Variants in EZH2 observed in about 807,000 individuals in gnomAD.
The protein encoded by EZH2 is enhancer of zeste 2 polycomb repressive complex 2 subunit.
EZH2 carries 18 observed loss-of-function variants against 98.4 expected under a neutral mutation model. That is an observed-to-expected ratio of 0.18 (90% CI 0.13 to 0.27). EZH2 has a LOEUF of 0.27. EZH2 is among the 10% of genes least tolerant of loss of function. EZH2 has a pLI of 1.00. For missense variants in EZH2, 470 were observed against 935.1 expected (o/e 0.50, Z 6.49); for synonymous variants, 338 against 312.3 (o/e 1.08, Z -0.87).
chr7:148,810,997 A>G (rs1322035419), intron 16 of EZH2, among the ~76,000 whole-genome samples: 1 of 152,122 alleles, frequency 6.6e-6, no homozygotes, highest in African/African-American at 2.4e-5. Context: ...TAAAAGGTGA[A>G]TAACTAATGA....
At chr7:148,808,174 G>A (rs1450450333) in intron 19 of EZH2, among the ~76,000 whole-genome samples, 2 of 152,236 alleles carry the variant, frequency 1.3e-5, no homozygotes, top group Admixed American at 6.5e-5. Context: ...CACCCAGAGA[G>A]GAGCACAAGA....
At chr7:148,807,826 A>AC in intron 19 of EZH2, 120 bp from the exon 20 acceptor site, 2 of 670,502 alleles carry the variant, frequency 3.0e-6, no homozygotes, top group East Asian at 2.8e-5. Context: ...AAAAAAAAAA[A>AC]AAAAAAAAAA....
intron 15 of EZH2, 24 bp downstream of exon 15, chr7:148,813,935 T>C: frequency 6.2e-7 from 1 of 1,603,262 alleles, no homozygotes. Flanking sequence ...ACAAACAATC[T>C]TCCAGAAGTG....
At chr7:148,860,926 G>T (rs902636447) in intron 1 of EZH2, among the ~76,000 whole-genome samples, 1 of 151,996 alleles carries the variant, frequency 6.6e-6, no homozygotes, top group African/African-American at 2.4e-5. Context: ...CCTCACCTTG[G>T]CCTCCCAAAG....
intron 8 of EZH2, among the ~76,000 whole-genome samples, chr7:148,824,939 G>A (rs772995717): frequency 3.3e-5 from 5 of 151,818 alleles, no homozygotes; most frequent in Non-Finnish European, 7.4e-5. Context: ...GCTAGAATGA[G>A]GTAAGTAACA....
chr7:148,819,453 A>C, intron 9 of EZH2, 143 bp downstream of exon 9: 1 of 645,850 alleles, frequency 1.5e-6, no homozygotes, highest in South Asian at 2.0e-5. Context: ...CTATGGAAGA[A>C]ACAGCATGGG....
At position 148,819,291 on chromosome 7, in the gene EZH2, C is replaced by A. The variant is rs968854294; in HGVS notation, c.999+305G>T. On this transcript the variant is annotated intron_variant, in intron 9 of 19. Coordinates refer to ENST00000320356, the MANE Select transcript of EZH2 (RefSeq NM_004456.5). ...GATTACTGCATGCCTGCTTTCTAAG[C>A]GGACTATCTGTGCCTTGCAACTCTC... Among the ~76,000 whole-genome samples, 19 of 152,118 alleles carry A rather than the reference C, an allele frequency of 1.2e-4. No homozygotes were observed. The South Asian group carries it at 1.7e-3, about 13-fold the overall frequency.
At chr7:148,819,326 G>GA (rs1218562300) in intron 9 of EZH2, among the ~76,000 whole-genome samples, 2 of 152,216 alleles carry the variant, frequency 1.3e-5, no homozygotes, top group Non-Finnish European at 1.5e-5. Context: ...CATAGACTTT[G>GA]TGGAAGGCAT....
intron 1 of EZH2, among the ~76,000 whole-genome samples, chr7:148,879,362 C>T (rs1026759708): frequency 6.6e-6 from 1 of 152,088 alleles, no homozygotes; most frequent in Admixed American, 6.6e-5. Flanking sequence ...ACCAGCCTGG[C>T]CAACACAGTG....
intron 1 of EZH2, among the ~76,000 whole-genome samples, chr7:148,872,817 T>C (rs1388764753): frequency 6.6e-6 from 1 of 152,204 alleles, no homozygotes; most frequent in Admixed American, 6.5e-5. Flanking sequence ...AAAGCAGTCA[T>C]GACATACTGT....
intron 3 of EZH2, among the ~76,000 whole-genome samples, chr7:148,844,719 G>C (rs1813524896): frequency 6.6e-6 from 1 of 151,992 alleles, no homozygotes; most frequent in African/African-American, 2.4e-5. Flanking sequence ...TATATTCAAC[G>C]ATTTGTCTCC....
intron 1 of EZH2, among the ~76,000 whole-genome samples, chr7:148,872,906 A>C (rs951580302): frequency 2.6e-5 from 4 of 152,106 alleles, no homozygotes; most frequent in African/African-American, 9.7e-5. Context: ...ATATAAATGC[A>C]GCTGAGGGAT....
chr7:148,855,235 T>C (rs1816618607), intron 1 of EZH2, among the ~76,000 whole-genome samples: 3 of 152,256 alleles, frequency 2.0e-5, no homozygotes, highest in Admixed American at 6.5e-5. Context: ...TCATGATTAA[T>C]AATGCCTGTT....
intron 10 of EZH2, chr7:148,817,668 T>C (rs1040569265): frequency 5.5e-6 from 4 of 726,414 alleles, no homozygotes; most frequent in Non-Finnish European, 9.0e-6. Context: ...TCATCAGCTT[T>C]CAAACAACCA....
At chr7:148,860,716 G>C (rs756773783) in intron 1 of EZH2, among the ~76,000 whole-genome samples, 1 of 152,116 alleles carries the variant, frequency 6.6e-6, no homozygotes, top group African/African-American at 2.4e-5. Context: ...CTCTGGCCCT[G>C]GCTGAAGTGC....
intron 1 of EZH2, among the ~76,000 whole-genome samples, chr7:148,867,426 A>G (rs1383396458): frequency 6.6e-6 from 1 of 152,210 alleles, no homozygotes; most frequent in Non-Finnish European, 1.5e-5. Flanking sequence ...ACCGAAAGTT[A>G]CCATCTGTTG....
At chr7:148,845,645 C>T (rs905505624) in intron 3 of EZH2, among the ~76,000 whole-genome samples, 3 of 152,188 alleles carry the variant, frequency 2.0e-5, no homozygotes, top group Non-Finnish European at 4.4e-5. Flanking sequence ...AATGGCTACT[C>T]GTTGAAAAAT....
rs2129475525 is a variant in EZH2 at position 148,826,578 on chromosome 7, G to A, written c.783C>T (p.Thr261=). ...QLPGALPPEC[T]PNIDGPNAKS... is the part of the protein sequence containing the mutation. ...TAGCATTTGGTCCATCTATGTTGGGGGTACATTCAGGAGGAAGTGCGCCTG... is the reference window on the plus strand; with the variant it reads ...TAGCATTTGGTCCATCTATGTTGGGAGTACATTCAGGAGGAAGTGCGCCTG... The change falls in exon 8 of 20, where the codon ACC becomes ACT. Residue 261 remains threonine, a synonymous_variant. Transcript: ENST00000320356. 1 of 1,578,316 alleles carries A rather than the reference G, an allele frequency of 6.3e-7. No individual in the cohort carries two copies. The highest frequency in any genetic ancestry group is 8.6e-7 in the Non-Finnish European group (1 of 1,159,066).
Position 148,811,663 on chromosome 7 carries a change from C to T in EZH2, c.1909G>A (p.Val637Met), listed in dbSNP as rs2129469032. Residue 637 changes from valine (V) to methionine (M), a missense_variant, in exon 16 of 20, where the codon GTG (valine) becomes ATG (methionine). Physicochemically the swap from Val to Met is conservative, Grantham distance 21 (BLOSUM62 1). This residue lies in a region of EZH2 where 106 missense variants were observed against 327.2 expected (regional missense o/e 0.32). Transcript: ENST00000320356. ...TCTGAGATGAATTCATTTTTCTGCACAGGATCTTTGATAAAAATCCCCCAG... is the reference window on the plus strand; with the variant it reads ...TCTGAGATGAATTCATTTTTCTGCATAGGATCTTTGATAAAAATCCCCCAG... ...AGWGIFIKDP[V>M]QKNEFISEYC... 19 of 1,613,732 alleles carry T rather than the reference C, an allele frequency of 1.2e-5. No homozygotes were observed. The highest frequency in any genetic ancestry group is 1.6e-5 in the Non-Finnish European group (19 of 1,180,018).
Sources: gnomAD v4.1 joint callset for allele counts (sites outside exome capture counted in the v4.1 genomes callset) on GRCh38, gnomAD v4.1.1 for gene constraint, gnomAD v4.1.1 regional missense constraint, MANE v1.5 for transcripts, NCBI Gene and HGNC (gene_info 2026-07-23, HGNC 2026-07-21) for gene names.